Variants in MAPK8IP3 observed in about 807,000 individuals in gnomAD.
MAPK8IP3 encodes the protein mitogen-activated protein kinase 8 interacting protein 3.
A neutral mutation model predicts 157.8 loss-of-function variants in MAPK8IP3; 49 were observed. That is an observed-to-expected ratio of 0.31 (90% confidence interval 0.25 to 0.39). The LOEUF (loss-of-function observed/expected upper bound fraction) is 0.39. Among genes scored for constraint, MAPK8IP3 ranks in the 10% least tolerant of loss-of-function variants. The pLI, the probability that MAPK8IP3 is intolerant of heterozygous loss-of-function variation, is 1.00. For synonymous variants in MAPK8IP3, 897 were observed against 777.7 expected, an observed-to-expected ratio of 1.15 and a Z score of -2.55; for missense variants, 1,478 against 1,889.4, an observed-to-expected ratio of 0.78 and a Z score of 4.04.
chr16:1,721,729 C>G (rs947795070), intron 1 of MAPK8IP3, among the ~76,000 whole-genome samples: 7 of 152,140 alleles, frequency 4.6e-5, no homozygotes, highest in African/African-American at 1.7e-4. Context: ...GCATGAGCCA[C>G]CGCTCCGGGC....
intron 1 of MAPK8IP3, among the ~76,000 whole-genome samples, chr16:1,722,887 G>T (rs550111134): frequency 3.3e-5 from 5 of 151,740 alleles, no homozygotes; most frequent in Admixed American, 2.0e-4. Context: ...ATTTTTAGTA[G>T]AGATGGGGTT....
intron 1 of MAPK8IP3, chr16:1,707,433 C>G (rs2037474421): frequency 6.6e-6 from 1 of 152,288 alleles, no homozygotes; most frequent in African/African-American, 2.4e-5. Flanking sequence ...AAACTCCACT[C>G]TGGCTTCTGA....
rs569777505 is a variant in MAPK8IP3 at position 1,717,695 on chromosome 16, C to T, written c.319-6862C>T. On this transcript the variant is annotated intron_variant, in intron 1 of 31. Coordinates refer to ENST00000610761, the MANE Select transcript of MAPK8IP3 (RefSeq NM_001318852.2). ...CTACCGTGCTGTATTCTGGGTAGTT[C>T]TTTTATTTTTTTATAATCTAGTACT... Among the ~76,000 whole-genome samples the T allele has an allele frequency of 2.6e-5, 4 of 152,296 alleles. No homozygotes were observed. In the South Asian group the frequency reaches 8.3e-4, roughly 32 times the overall value.
chr16:1,717,191 G>A (rs1032330040), intron 1 of MAPK8IP3, among the ~76,000 whole-genome samples: 1 of 149,078 alleles, frequency 6.7e-6, no homozygotes, highest in Non-Finnish European at 1.5e-5. Flanking sequence ...AGCCAAGATC[G>A]TGCCACTGCA....
intron 4 of MAPK8IP3, among the ~76,000 whole-genome samples, chr16:1,732,341 A>G (rs991760755): frequency 2.6e-5 from 4 of 152,224 alleles, no homozygotes; most frequent in Non-Finnish European, 5.9e-5. Flanking sequence ...CGAAAGCTGC[A>G]TCGTGCCTGC....
chr16:1,751,642 A>G lies in MAPK8IP3; in HGVS notation c.1216+2922A>G, dbSNP rs2041295114. On this transcript the variant is annotated intron_variant, in intron 8 of 31. Transcript: ENST00000610761. The surrounding 1 kb of genome is among the most constrained non-coding windows in gnomAD (Gnocchi z 5.0). ...TACGGTGTACAGTCCAGTGGGTCTTAGCATGCTCGGTGTTGACAGTCACAT... is the reference window on the plus strand; with the variant it reads ...TACGGTGTACAGTCCAGTGGGTCTTGGCATGCTCGGTGTTGACAGTCACAT... The G allele has an allele frequency of 6.6e-6, 1 of 152,198 alleles. No individual in the cohort carries two copies. Among genetic ancestry groups the G allele is most frequent in the East Asian group, 1.9e-4 (1 of 5,180 alleles). 9.4% of individuals were successfully genotyped at this position (152,198 alleles called of 1,614,324 possible). A position where few individuals can be genotyped will look rare whatever the true frequency, so the allele number is the denominator to read the frequency against.
rs1048740509 is a variant in MAPK8IP3 at position 1,741,947 on chromosome 16, C to T, written c.603-1385C>T. On this transcript the variant is annotated intron_variant, in intron 4 of 31. Coordinates refer to ENST00000610761, the MANE Select transcript of MAPK8IP3 (RefSeq NM_001318852.2). This position sits in a 1 kb window ranked among gnomAD's most constrained non-coding sequence, Gnocchi z 6.9. Reference sequence around the variant, plus strand: ...ATAGCTCCCCACCCAGGTAGCGGAGCTCCTGGTCAGCGGCGGCTGCTGCGT... The same window carrying T: ...ATAGCTCCCCACCCAGGTAGCGGAGTTCCTGGTCAGCGGCGGCTGCTGCGT... 6.6e-6 allele frequency among the ~76,000 whole-genome samples: 1 copy of T among 152,150 alleles called. No individual in the cohort carries two copies. Among genetic ancestry groups the T allele is most frequent in the Admixed American group, 6.5e-5 (1 of 15,270 alleles).
At chr16:1,744,876 C>A (rs1046252279) in intron 5 of MAPK8IP3, 8 of 959,806 alleles carry the variant, frequency 8.3e-6, no homozygotes, top group African/African-American at 5.3e-5. Flanking sequence ...CATTTAAGTT[C>A]TTTTTATTTT....
chr16:1,736,515 CGT>C (rs201542494), intron 4 of MAPK8IP3, among the ~76,000 whole-genome samples: 15 of 35,692 alleles, frequency 4.2e-4, no homozygotes, highest in African/African-American at 5.1e-4. Flanking sequence ...TGTGACCGTC[CGT>C]GTGTGACCGT....
At chr16:1,766,841 G>T (rs1430682824) in intron 24 of MAPK8IP3, 38 bp downstream of exon 24, 2 of 1,612,214 alleles carry the variant, frequency 1.2e-6, no homozygotes, top group South Asian at 2.2e-5. Context: ...CGGCGCGGGG[G>T]AACGGGGCGG....
At chr16:1,740,301 C>T (rs1455787283) in intron 4 of MAPK8IP3, among the ~76,000 whole-genome samples, 1 of 147,270 alleles carries the variant, frequency 6.8e-6, no homozygotes, top group East Asian at 2.0e-4. Context: ...ACCGTGTGAG[C>T]ATCCGTGTGA....
At chr16:1,740,269 C>T (rs1459719250) in intron 4 of MAPK8IP3, among the ~76,000 whole-genome samples, 2 of 147,328 alleles carry the variant, frequency 1.4e-5, no homozygotes, top group African/African-American at 2.5e-5. Flanking sequence ...AGTGTGTGAC[C>T]GTCCGTGTGA....
At chr16:1,762,575 G>A in intron 14 of MAPK8IP3, 94 bp downstream of exon 14, 2 of 1,571,300 alleles carry the variant, frequency 1.3e-6, no homozygotes, top group South Asian at 1.2e-5. Flanking sequence ...CTTCTGGGGG[G>A]ACTGAAGTGC....
rs1016580510 is a variant in MAPK8IP3 at position 1,769,060 on chromosome 16, G to A, written c.*236G>A. The A allele has an allele frequency of 2.6e-5, 15 of 567,698 alleles. No individual in the cohort carries two copies. The highest frequency in any genetic ancestry group is 3.8e-5 in the Non-Finnish European group (12 of 319,316). 35.2% of individuals were successfully genotyped at this position (567,698 alleles called of 1,614,324 possible). ...GAAGATGCTCTCGGGACAGTTTCCC[G>A]GGCAGCTCCTGGCCAGCTTCCAGCC... On this transcript the variant is annotated 3_prime_UTR_variant, in exon 32 of 32. Transcript: ENST00000610761.
intron 4 of MAPK8IP3, among the ~76,000 whole-genome samples, chr16:1,739,616 G>T (rs1469105604): frequency 7.1e-6 from 1 of 141,676 alleles, no homozygotes; most frequent in East Asian, 2.2e-4. Flanking sequence ...GCTTCCGTGT[G>T]ACCGTCCGTG....
intron 9 of MAPK8IP3, among the ~76,000 whole-genome samples, chr16:1,758,472 T>C (rs1441635419): frequency 1.3e-5 from 2 of 152,162 alleles, no homozygotes; most frequent in Non-Finnish European, 2.9e-5. Context: ...CTCTGGGGCC[T>C]CCCCTGCTGT....
intron 16 of MAPK8IP3, among the ~76,000 whole-genome samples, 189 bp from the exon 17 acceptor site, chr16:1,763,468 G>A (rs2042068279): frequency 6.6e-6 from 1 of 151,994 alleles, no homozygotes. Flanking sequence ...TGCCAGGAAA[G>A]CCACCCTTCC....
At chr16:1,730,216 G>A (rs557520310) in intron 4 of MAPK8IP3, among the ~76,000 whole-genome samples, 88 of 152,120 alleles carry the variant, frequency 5.8e-4, no homozygotes, top group Admixed American at 3.8e-3. Flanking sequence ...ATCTACAGTC[G>A]CGCCCCTGCA....
intron 5 of MAPK8IP3, chr16:1,746,460 AG>A (rs1480183297): frequency 6.6e-6 from 1 of 152,310 alleles, no homozygotes; most frequent in Non-Finnish European, 1.5e-5. Flanking sequence ...GCTCATGTTC[AG>A]GGGTGAGCTC....
Sources: allele counts gnomAD v4.1 joint callset (sites outside exome capture counted in the v4.1 genomes callset), GRCh38; gene constraint gnomAD v4.1.1; non-coding constraint Gnocchi (gnomAD v3.1); transcripts MANE v1.5; gene names NCBI Gene and HGNC (gene_info 2026-07-23, HGNC 2026-07-21).